The following CFAP77 variants were observed in gnomAD, a reference collection of about 807,000 sequenced individuals.
The protein encoded by CFAP77 is cilia- and flagella-associated protein 77.
A neutral mutation model predicts 31.1 loss-of-function variants in CFAP77; 25 were observed. The ratio of observed to expected loss-of-function variants is 0.80; its 90% confidence interval spans 0.59 to 1.12. The LOEUF is 1.12. CFAP77 is among the 50% of genes most tolerant of loss of function. The probability of loss-of-function intolerance (pLI) is 0.00; values close to 1 mark genes in which losing one functional copy is unlikely to be tolerated. For synonymous variants in CFAP77, 151 were observed against 159.9 expected, an observed-to-expected ratio of 0.94 and a Z score of 0.42; for missense variants, 377 against 397.3, an observed-to-expected ratio of 0.95 and a Z score of 0.44.
At chr9:132,468,629 CAG>C (rs1258598103) in intron 1 of CFAP77, among the ~76,000 whole-genome samples, 6 of 152,178 alleles carry the variant, frequency 3.9e-5, no homozygotes. Flanking sequence ...ACAATTGTCA[CAG>C]GGGTAATTCA....
intron 1 of CFAP77, among the ~76,000 whole-genome samples, chr9:132,446,567 C>T (rs773662706): frequency 4.6e-5 from 7 of 151,782 alleles, no homozygotes; most frequent in African/African-American, 7.3e-5. Flanking sequence ...GGTGAAACCC[C>T]GTCTCTACTA....
intron 1 of CFAP77, among the ~76,000 whole-genome samples, chr9:132,488,093 A>G (rs1256852553): frequency 6.6e-6 from 1 of 152,184 alleles, no homozygotes; most frequent in Non-Finnish European, 1.5e-5. Flanking sequence ...CAGGAGAGTG[A>G]GTGGAGGCTT....
chr9:132,516,996 C>T (rs1197765825), intron 3 of CFAP77, among the ~76,000 whole-genome samples: 1 of 152,164 alleles, frequency 6.6e-6, no homozygotes, highest in South Asian at 2.1e-4. Context: ...AGGGAGACAC[C>T]CCAGCCCTGC....
At chr9:132,473,614 GTCCCTGGAGCCT>G (rs1409715911) in intron 1 of CFAP77, among the ~76,000 whole-genome samples, 1 of 152,174 alleles carries the variant, frequency 6.6e-6, no homozygotes, top group Non-Finnish European at 1.5e-5. Flanking sequence ...CCCTAGTTGT[GTCCCTGGAGCCT>G]TCCCCAGTGC....
intron 1 of CFAP77, among the ~76,000 whole-genome samples, chr9:132,443,770 G>A (rs991152838): frequency 6.6e-6 from 1 of 152,196 alleles, no homozygotes; most frequent in East Asian, 1.9e-4. Flanking sequence ...TAAAATTGGA[G>A]CATGACGTTG....
chr9:132,517,278 C>T lies in CFAP77; in HGVS notation c.524+17678C>T, dbSNP rs1004965331. On this transcript the variant is annotated intron_variant, in intron 3 of 5. Coordinates refer to ENST00000393216, the MANE Select transcript of CFAP77 (RefSeq NM_001282957.2). The surrounding 1 kb of genome is among the most constrained non-coding windows in gnomAD (Gnocchi z 4.7). ...AGGGTGCCAGCAACTCCCCGGCCCCCGGGAGCAGCAGACTGCTGGCATATT... is the reference window on the plus strand; with the variant it reads ...AGGGTGCCAGCAACTCCCCGGCCCCTGGGAGCAGCAGACTGCTGGCATATT... Among the ~76,000 whole-genome samples, 11 of 152,156 alleles carry T rather than the reference C, an allele frequency of 7.2e-5. No individual in the cohort carries two copies. The highest frequency in any genetic ancestry group is 1.9e-4 in the African/African-American group (8 of 41,444).
intron 3 of CFAP77, among the ~76,000 whole-genome samples, chr9:132,512,863 C>A (rs1852063599): frequency 6.6e-6 from 1 of 152,228 alleles, no homozygotes; most frequent in South Asian, 2.1e-4. Context: ...AGGAGAATCA[C>A]TTGAACCTGG....
chr9:132,430,560 C>T (rs541650), intron 1 of CFAP77, among the ~76,000 whole-genome samples: 74,368 of 151,980 alleles, frequency 0.49, 19,254 homozygotes, highest in African/African-American at 0.65. Flanking sequence ...TCCTTTGTTG[C>T]GATCTGAAGA....
intron 1 of CFAP77, among the ~76,000 whole-genome samples, chr9:132,451,807 CT>C (rs374213873): frequency 0.017 from 2,383 of 141,642 alleles, 70 homozygotes; most frequent in African/African-American, 0.055. Context: ...TTTTTCTTTT[CT>C]TTTTTTTTTT....
chr9:132,498,331 A>T lies in CFAP77; in HGVS notation c.196-364A>T, dbSNP rs544363930. On this transcript the variant is annotated intron_variant, in intron 1 of 5. Transcript: ENST00000393216. The surrounding 1 kb of genome is among the most constrained non-coding windows in gnomAD (Gnocchi z 4.2). ...GGGGCCTCCAGATGAGGCCTCCTGA[A>T]CTGGGTCCTGCATTTCCAGCTTGAG... Among the ~76,000 whole-genome samples, 4 of 152,098 alleles carry T rather than the reference A, an allele frequency of 2.6e-5. No homozygotes were observed. The highest frequency in any genetic ancestry group is 5.9e-5 in the Non-Finnish European group (4 of 68,012).
intron 5 of CFAP77, among the ~76,000 whole-genome samples, chr9:132,568,188 G>A (rs539681796): frequency 1.3e-5 from 2 of 152,204 alleles, no homozygotes; most frequent in South Asian, 4.2e-4. Flanking sequence ...CTATTCAAGG[G>A]GTATAGTTTC....
chr9:132,560,568 A>G (rs148254636), intron 5 of CFAP77, among the ~76,000 whole-genome samples: 60 of 152,256 alleles, frequency 3.9e-4, no homozygotes, highest in African/African-American at 1.3e-3. Flanking sequence ...GAAGGAGCAA[A>G]TCGATTCTCA....
At chr9:132,427,409 G>A (rs774452915) in intron 1 of CFAP77, among the ~76,000 whole-genome samples, 2 of 152,072 alleles carry the variant, frequency 1.3e-5, no homozygotes, top group Admixed American at 6.6e-5. Flanking sequence ...CGGGTCTAGC[G>A]GCTTTGCCCT....
intron 1 of CFAP77, among the ~76,000 whole-genome samples, chr9:132,419,469 A>G (rs1850170541): frequency 6.6e-6 from 1 of 152,220 alleles, no homozygotes; most frequent in African/African-American, 2.4e-5. Flanking sequence ...GGGGCACCCA[A>G]AAAGGCAACG....
chr9:132,440,056 C>T (rs1382832102), intron 1 of CFAP77, among the ~76,000 whole-genome samples: 1 of 151,906 alleles, frequency 6.6e-6, no homozygotes, highest in Non-Finnish European at 1.5e-5. Context: ...CAGCGGCAGC[C>T]GCAGCAGCAG....
chr9:132,435,157 G>A (rs1850484373), intron 1 of CFAP77, among the ~76,000 whole-genome samples: 1 of 152,126 alleles, frequency 6.6e-6, no homozygotes, highest in Admixed American at 6.5e-5. Flanking sequence ...AGGAACAGCG[G>A]GAGGGAATGC....
At chr9:132,427,701 G>A (rs1850340881) in intron 1 of CFAP77, among the ~76,000 whole-genome samples, 1 of 152,164 alleles carries the variant, frequency 6.6e-6, no homozygotes, top group South Asian at 2.1e-4. Flanking sequence ...AGCCGTGAGG[G>A]AAGGATCTGT....
chr9:132,415,365 A>ACC (rs35819530), intron 1 of CFAP77, among the ~76,000 whole-genome samples: 1 of 150,826 alleles, frequency 6.6e-6, no homozygotes, highest in African/African-American at 2.4e-5. Flanking sequence ...CAGGAAACTA[A>ACC]CCCCCCCGCC....
At chr9:132,414,016 C>A (rs1356921535) in intron 1 of CFAP77, among the ~76,000 whole-genome samples, 1 of 152,218 alleles carries the variant, frequency 6.6e-6, no homozygotes, top group Non-Finnish European at 1.5e-5. Flanking sequence ...ACAGACTCAT[C>A]CGAGGTGCTA....
Sources: allele counts gnomAD v4.1 joint callset (sites outside exome capture counted in the v4.1 genomes callset), GRCh38; gene constraint gnomAD v4.1.1; non-coding constraint Gnocchi (gnomAD v3.1); transcripts MANE v1.5; gene names NCBI Gene and HGNC (gene_info 2026-07-23, HGNC 2026-07-21).